Variants in GXYLT1 observed in about 807,000 individuals in gnomAD.
The protein encoded by GXYLT1 is glycosyltransferase 8 domain containing 3.
In GXYLT1, 29 loss-of-function variants were observed where a neutral mutation model predicts 54.0. The ratio of observed to expected loss-of-function variants is 0.54; its 90% confidence interval spans 0.40 to 0.73. The LOEUF is 0.73. Among genes scored for constraint, GXYLT1 ranks in the 30% least tolerant of loss-of-function variants. The pLI is 0.00. For missense variants in GXYLT1, 490 were observed against 553.4 expected, an observed-to-expected ratio of 0.89 and a Z score of 1.15; for synonymous variants, 176 against 204.1, an observed-to-expected ratio of 0.86 and a Z score of 1.17.
At chr12:42,132,297 C>T (rs1372293300) in intron 1 of GXYLT1, among the ~76,000 whole-genome samples, 1 of 152,068 alleles carries the variant, frequency 6.6e-6, no homozygotes, top group South Asian at 2.1e-4. Context: ...TAAAATCAGA[C>T]CTGAATGAGA....
At chr12:42,110,581 G>A (rs1165266167) in intron 3 of GXYLT1, among the ~76,000 whole-genome samples, 2 of 152,096 alleles carry the variant, frequency 1.3e-5, no homozygotes, top group South Asian at 2.1e-4. Flanking sequence ...GTCTCACTCT[G>A]TCACCCAGAC....
intron 4 of GXYLT1, among the ~76,000 whole-genome samples, chr12:42,107,145 T>C (rs2065426203): frequency 6.6e-6 from 1 of 152,186 alleles, no homozygotes; most frequent in African/African-American, 2.4e-5. Flanking sequence ...TAAGATTCAA[T>C]AAATAGGTGA....
intron 1 of GXYLT1, among the ~76,000 whole-genome samples, chr12:42,138,314 T>C (rs189759363): frequency 7.9e-5 from 12 of 151,696 alleles, no homozygotes; most frequent in South Asian, 2.1e-4. Flanking sequence ...AACAAACAAA[T>C]AAATAATTTC....
intron 2 of GXYLT1, among the ~76,000 whole-genome samples, chr12:42,120,679 C>G (rs1159537991): frequency 1.3e-5 from 2 of 151,906 alleles, no homozygotes; most frequent in African/African-American, 2.4e-5. Flanking sequence ...CACAGATGTG[C>G]GACCACCATG....
chr12:42,112,284 A>C (rs1441823807), intron 3 of GXYLT1, among the ~76,000 whole-genome samples: 2 of 152,244 alleles, frequency 1.3e-5, no homozygotes, highest in Non-Finnish European at 2.9e-5. Context: ...AATGGAACAA[A>C]GCTAGATGGA....
intron 5 of GXYLT1, 83 bp downstream of exon 5, chr12:42,105,735 T>TAC (rs201122809): frequency 8.4e-6 from 8 of 948,500 alleles, no homozygotes; most frequent in Non-Finnish European, 1.3e-5. Flanking sequence ...TTCAATTTAG[T>TAC]TTTTAATAAA....
intron 7 of GXYLT1, among the ~76,000 whole-genome samples, chr12:42,094,864 T>C (rs982985306): frequency 5.3e-5 from 8 of 152,138 alleles, no homozygotes; most frequent in African/African-American, 1.9e-4. Context: ...ATGGTAATAA[T>C]GATGGTTGTA....
chr12:42,090,507 C>G (rs999807976), intron 7 of GXYLT1, among the ~76,000 whole-genome samples: 3 of 152,198 alleles, frequency 2.0e-5, no homozygotes, highest in African/African-American at 7.2e-5. Context: ...TACAGTTAAT[C>G]GTTCCCTCTT....
rs1236860489 is a variant in GXYLT1, at chr12:42,105,921, C to T, written c.761G>A (p.Gly254Glu). ...MAPEHEEPRI[G>E]WYNRFARHPY... ...ATGCCTAGCAAAGCGATTATACCAT[C>T]CTATTCGAGGTTCCTCATGTTCTGG... The change falls in exon 5 of 8, where the codon GGA becomes GAA. Residue 254 changes from glycine (G) to glutamate (E), a missense_variant. By Grantham distance (98) the Gly-to-Glu change is moderately conservative. Transcript: ENST00000398675. 6.2e-7 allele frequency: 1 copy of T among 1,614,034 alleles called. No individual in the cohort carries two copies. The highest frequency in any genetic ancestry group is 8.5e-7 in the Non-Finnish European group (1 of 1,179,944).
chr12:42,130,081 G>A (rs967668619), intron 1 of GXYLT1, among the ~76,000 whole-genome samples: 2 of 152,150 alleles, frequency 1.3e-5, no homozygotes, highest in Admixed American at 1.3e-4. Context: ...TATAGATTGG[G>A]AAACAGTGTT....
chr12:42,087,342 C>CTGT lies in GXYLT1; in HGVS notation c.*441_*443dup, dbSNP rs2065300285. ...TCACATTTCTTCAGAAACAACAGACCTGTTTCTGCTCCTGTAAACAAACTT... is the reference window on the plus strand; with the variant it reads ...TCACATTTCTTCAGAAACAACAGACCTGTTGTTTCTGCTCCTGTAAACAAACTT... On this transcript the variant is annotated 3_prime_UTR_variant, in exon 8 of 8. Coordinates refer to ENST00000398675, the MANE Select transcript of GXYLT1 (RefSeq NM_173601.2). 1 of 147,032 alleles carries CTGT rather than the reference C, an allele frequency of 6.8e-6. No individual in the cohort carries two copies. Among genetic ancestry groups the CTGT allele is most frequent in the Non-Finnish European group, 1.5e-5 (1 of 65,824 alleles). 9.1% of individuals were successfully genotyped at this position (147,032 alleles called of 1,614,324 possible).
At chr12:42,113,956 G>C (rs1322231716) in intron 3 of GXYLT1, among the ~76,000 whole-genome samples, 3 of 152,042 alleles carry the variant, frequency 2.0e-5, no homozygotes, top group African/African-American at 2.4e-5. Context: ...AATCAAACTA[G>C]AACTCAGGAT....
At chr12:42,118,952 T>A in intron 3 of GXYLT1, 48 bp downstream of exon 3, 1 of 1,322,268 alleles carries the variant, frequency 7.6e-7, no homozygotes, top group Non-Finnish European at 1.1e-6. Context: ...TTATAGTATA[T>A]TATTAAATAT....
chr12:42,133,800 G>C (rs1420906883), intron 1 of GXYLT1, among the ~76,000 whole-genome samples: 2 of 152,206 alleles, frequency 1.3e-5, no homozygotes, highest in African/African-American at 4.8e-5. Flanking sequence ...GGGAGTAACA[G>C]AATGTCATTT....
At chr12:42,109,844 TG>T (rs1161420154) in intron 3 of GXYLT1, among the ~76,000 whole-genome samples, 153 bp from the exon 4 acceptor site, 2 of 152,246 alleles carry the variant, frequency 1.3e-5, no homozygotes, top group African/African-American at 4.8e-5. Context: ...GTTCCACCAC[TG>T]TATTTGTTTT....
chr12:42,089,743 T>C (rs1008508336), intron 7 of GXYLT1, among the ~76,000 whole-genome samples: 1 of 152,150 alleles, frequency 6.6e-6, no homozygotes, highest in African/African-American at 2.4e-5. Context: ...TCAAAAATCC[T>C]GTTGAAGGAC....
At chr12:42,120,353 T>C (rs1463173567) in intron 2 of GXYLT1, among the ~76,000 whole-genome samples, 3 of 152,150 alleles carry the variant, frequency 2.0e-5, no homozygotes, top group African/African-American at 4.8e-5. Context: ...TAGGAAGATG[T>C]AAACACTTCT....
chr12:42,124,192 T>C (rs1202012994), intron 2 of GXYLT1, among the ~76,000 whole-genome samples: 2 of 151,906 alleles, frequency 1.3e-5, no homozygotes, highest in African/African-American at 4.8e-5. Context: ...ATAATACAGC[T>C]AATATTAAAT....
chr12:42,125,864 A>G (rs1372253085), intron 2 of GXYLT1, among the ~76,000 whole-genome samples: 1 of 151,924 alleles, frequency 6.6e-6, no homozygotes, highest in African/African-American at 2.4e-5. Context: ...CTTCACTAAT[A>G]TTAAAAAAAA....
Sources: allele counts gnomAD v4.1 joint callset (sites outside exome capture counted in the v4.1 genomes callset), GRCh38; gene constraint gnomAD v4.1.1; transcripts MANE v1.5; gene names NCBI Gene and HGNC (gene_info 2026-07-23, HGNC 2026-07-21).